The following ANKRD30B variants were observed in gnomAD, a reference collection of about 807,000 sequenced individuals.
ANKRD30B encodes ankyrin repeat domain 30B, also known as ankyrin repeat domain-containing protein 30B.
A neutral mutation model predicts 202.2 loss-of-function variants in ANKRD30B; 144 were observed. The observed-to-expected ratio is 0.71, with a 90% confidence interval of 0.62 to 0.82. The LOEUF (loss-of-function observed/expected upper bound fraction) is 0.82, where lower values mean the gene tolerates loss of function less well. Among genes scored for constraint, ANKRD30B ranks in the 40% least tolerant of loss-of-function variants. The probability of loss-of-function intolerance (pLI) is 0.00; values close to 1 mark genes in which losing one functional copy is unlikely to be tolerated. For missense variants in ANKRD30B, 1,487 were observed against 1,669.1 expected (o/e 0.89, Z 1.90); for synonymous variants, 508 against 561.3 (o/e 0.91, Z 1.34).
intron 33 of ANKRD30B, among the ~76,000 whole-genome samples, chr18:14,828,558 G>A (rs960306417): frequency 6.6e-6 from 1 of 152,176 alleles, no homozygotes; most frequent in African/African-American, 2.4e-5. Flanking sequence ...AAAAGTAGCT[G>A]ACCCTTGAGT....
At chr18:14,880,564 T>C in the ANKRD30B span, among the ~76,000 whole-genome samples, 4 of 71,680 alleles carry the variant, frequency 5.6e-5, no homozygotes, top group Admixed American at 1.0e-3. Context: ...TTTTCTTTCT[T>C]GGTTTTTTTT....
chr18:14,752,653 T>C lies in ANKRD30B; in HGVS notation c.309T>C (p.Asp103=), dbSNP rs1913640761. Residue 103 remains aspartate (D), a synonymous_variant, in exon 2 of 44, where the codon GAT becomes GAC. Transcript: ENST00000690538. ...VDRKCQLNVL[D]GEGRTPLMKA... is the part of the protein sequence containing the mutation. Reference sequence around the variant, plus strand: ...GAAAGTGCCAGCTTAATGTCCTTGATGGCGAAGGGAGGACACCTCTGATGA... The same window carrying C: ...GAAAGTGCCAGCTTAATGTCCTTGACGGCGAAGGGAGGACACCTCTGATGA... 3 of 1,608,140 alleles carry C rather than the reference T, an allele frequency of 1.9e-6. No homozygotes were observed. Among genetic ancestry groups the C allele is most frequent in the African/African-American group, 2.7e-5 (2 of 74,844 alleles).
At chr18:14,914,066 A>G in the ANKRD30B span, among the ~76,000 whole-genome samples, 1 of 152,168 alleles carries the variant, frequency 6.6e-6, no homozygotes, top group Admixed American at 6.5e-5. Context: ...AGTACCAGAG[A>G]CCATCCTCAT....
At chr18:14,764,309 C>T (rs771447372) in intron 7 of ANKRD30B, among the ~76,000 whole-genome samples, 1 of 151,702 alleles carries the variant, frequency 6.6e-6, no homozygotes, top group African/African-American at 2.4e-5. Context: ...AACTAACTAA[C>T]AGTGGCTAAA....
chr18:14,775,937 A>T (rs1376735308), intron 9 of ANKRD30B, among the ~76,000 whole-genome samples: 4 of 152,268 alleles, frequency 2.6e-5, no homozygotes, highest in African/African-American at 9.6e-5. Flanking sequence ...TCTTAGTTGC[A>T]TGTGATGAAA....
chr18:14,778,083 C>T lies in ANKRD30B; in HGVS notation c.1420+8C>T. The T allele has an allele frequency of 6.6e-7, 1 of 1,511,726 alleles. No individual in the cohort carries two copies. The highest frequency in any genetic ancestry group is 9.0e-7 in the Non-Finnish European group (1 of 1,113,550). The allele number at this position is 1,511,726 out of a possible 1,614,324, so 93.6% of individuals were successfully genotyped here. On this transcript the variant is annotated splice_region_variant and intron_variant, in intron 10 of 43. Transcript: ENST00000690538. ...TAAATCACAAAATAGAAGGTAAGAA[C>T]CATTTTTTATTTAAAACATCTTTTG...
At chr18:14,791,000 G>A (rs1487310540) in intron 15 of ANKRD30B, among the ~76,000 whole-genome samples, 9 of 152,082 alleles carry the variant, frequency 5.9e-5, no homozygotes, top group African/African-American at 2.2e-4. Flanking sequence ...GGAAGAATTC[G>A]GCTGTAAATC....
chr18:14,903,680 G>A, the ANKRD30B span: 9 of 152,158 alleles, frequency 5.9e-5, no homozygotes, highest in East Asian at 1.9e-4. Context: ...CAAAATGCAC[G>A]TTACATCAGG....
chr18:14,776,226 C>T (rs1166477768), intron 9 of ANKRD30B, among the ~76,000 whole-genome samples: 3 of 152,074 alleles, frequency 2.0e-5, no homozygotes, highest in African/African-American at 4.8e-5. Flanking sequence ...TTCTGAGTAC[C>T]AACTGTGTGC....
At position 14,804,690 on chromosome 18, in the gene ANKRD30B, T is replaced by C. The variant is rs547521729; in HGVS notation, c.2284+866T>C. Among the ~76,000 whole-genome samples the C allele has an allele frequency of 7.3e-5, 11 of 150,768 alleles. No individual in the cohort carries two copies. The South Asian group carries it at 1.9e-3, about 26-fold the overall frequency. On this transcript the variant is annotated intron_variant, in intron 24 of 43. Transcript: ENST00000690538. Reference sequence around the variant, plus strand: ...ATTATGGTGCTCCTATTTTTGAGTATGTTTTTAGTTAGGGGAGAAGAAGAA... The same window carrying C: ...ATTATGGTGCTCCTATTTTTGAGTACGTTTTTAGTTAGGGGAGAAGAAGAA...
intron 7 of ANKRD30B, among the ~76,000 whole-genome samples, chr18:14,766,493 A>AAAAGAAAAG (rs1555646770): frequency 1.2e-5 from 1 of 85,060 alleles, no homozygotes; most frequent in African/African-American, 3.8e-5. Context: ...AAAAAAAAAA[A>AAAAGAAAAG]AAAAGAAAAG....
At chr18:14,851,428 C>CAA in intron 41 of ANKRD30B, 81 bp from the exon 42 acceptor site, 1 of 1,385,588 alleles carries the variant, frequency 7.2e-7, no homozygotes, top group Non-Finnish European at 9.6e-7. Flanking sequence ...TATAAACGTA[C>CAA]AAGTTGTTCT....
the ANKRD30B span, among the ~76,000 whole-genome samples, chr18:14,874,218 CT>C: frequency 6.6e-6 from 1 of 152,160 alleles, no homozygotes; most frequent in African/African-American, 2.4e-5. Context: ...AATCCTAAGA[CT>C]TTCGAAGACC....
At chr18:14,818,115 G>A (rs535819535) in intron 30 of ANKRD30B, among the ~76,000 whole-genome samples, 31 of 152,218 alleles carry the variant, frequency 2.0e-4, no homozygotes, top group African/African-American at 7.5e-4. Flanking sequence ...TTGATGAAAG[G>A]AGATATATTT....
At chr18:14,777,937 A>G in intron 9 of ANKRD30B, 48 bp from the exon 10 acceptor site, 2 of 1,409,238 alleles carry the variant, frequency 1.4e-6, no homozygotes, top group Non-Finnish European at 1.9e-6. Flanking sequence ...TCTCAAAAAA[A>G]CAAAAAAAGG....
intron 24 of ANKRD30B, among the ~76,000 whole-genome samples, chr18:14,808,178 C>G (rs1465303769): frequency 6.7e-6 from 1 of 150,354 alleles, no homozygotes; most frequent in Non-Finnish European, 1.5e-5. Flanking sequence ...CTACCATTAC[C>G]TAGGACTTAT....
rs748677420 is a variant in ANKRD30B at position 14,799,219 on chromosome 18, T to G, written c.2059-4T>G. 3.2e-6 allele frequency: 5 copies of G among 1,578,524 alleles called. No homozygotes were observed. The highest frequency in any genetic ancestry group is 4.3e-6 in the Non-Finnish European group (5 of 1,164,334). ...TTAATTTTTGTGTTTCCAAACCCAT[T>G]TAGCCTACCTGTGGAAGGAAAGTTT... On this transcript the variant is annotated splice_polypyrimidine_tract_variant and splice_region_variant and intron_variant, in intron 21 of 43. Coordinates refer to ENST00000690538, the MANE Select transcript of ANKRD30B (RefSeq NM_001367607.2).
chr18:14,900,054 A>G, the ANKRD30B span, among the ~76,000 whole-genome samples: 4 of 151,942 alleles, frequency 2.6e-5, no homozygotes, highest in African/African-American at 9.7e-5. Flanking sequence ...TTGAAAAAAT[A>G]CAATTTTTTA....
At chr18:14,905,039 G>A in the ANKRD30B span, among the ~76,000 whole-genome samples, 4 of 152,188 alleles carry the variant, frequency 2.6e-5, no homozygotes, top group South Asian at 2.1e-4. Flanking sequence ...AGATGGCAAC[G>A]AGAGTGATTT....
Sources: gnomAD v4.1 joint callset for allele counts (sites outside exome capture counted in the v4.1 genomes callset) on GRCh38, gnomAD v4.1.1 for gene constraint, MANE v1.5 for transcripts, NCBI Gene and HGNC (gene_info 2026-07-23, HGNC 2026-07-21) for gene names.